Variants in FAM81A observed in about 807,000 individuals in gnomAD.
The protein encoded by FAM81A is family with sequence similarity 81 member A.
Under a neutral mutation model 46.7 loss-of-function variants are expected in FAM81A, and 19 were observed. The observed-to-expected ratio is 0.41, with a 90% CI of 0.28 to 0.60. The LOEUF (loss-of-function observed/expected upper bound fraction) is 0.60. Ranked by LOEUF, FAM81A falls within the 20% of genes least tolerant of loss-of-function variation. The probability of loss-of-function intolerance (pLI) is 0.34; values close to 1 mark genes in which losing one functional copy is unlikely to be tolerated. For synonymous variants in FAM81A, 183 were observed against 152.9 expected, an observed-to-expected ratio of 1.20 and a Z score of -1.45; for missense variants, 377 against 453.5, an observed-to-expected ratio of 0.83 and a Z score of 1.53.
chr15:59,449,592 T>C (rs867575574), intron 1 of FAM81A, among the ~76,000 whole-genome samples: 21 of 151,982 alleles, frequency 1.4e-4, no homozygotes, highest in Admixed American at 2.6e-4. Flanking sequence ...CCATCCTGGC[T>C]AACACAGTGA....
At chr15:59,505,564 T>C (rs1215484613) in intron 4 of FAM81A, among the ~76,000 whole-genome samples, 1 of 151,680 alleles carries the variant, frequency 6.6e-6, no homozygotes, top group Non-Finnish European at 1.5e-5. Context: ...TAGCCACCTA[T>C]AGCATGGAAG....
chr15:59,521,297 TCTCGAGGCCAAGATGAA>T lies in FAM81A; in HGVS notation c.1027_1043del (p.Leu343AlafsTer29). 6.2e-7 allele frequency: 1 copy of T among 1,613,768 alleles called. No individual in the cohort carries two copies. The highest frequency in any genetic ancestry group is 8.5e-7 in the Non-Finnish European group (1 of 1,179,802). On this transcript the variant is annotated frameshift_variant, in exon 9 of 9. Coordinates refer to ENST00000288228, the MANE Select transcript of FAM81A (RefSeq NM_152450.3). LOFTEE classifies it high-confidence loss of function. ...AAAGCATAGGATCCCTCAGGCAAGTTCTCGAGGCCAAGATGAAGCTGGACAGGGACCAGCTACAGAAG... is the reference window on the plus strand; with the variant it reads ...AAAGCATAGGATCCCTCAGGCAAGTTGCTGGACAGGGACCAGCTACAGAAG...
At chr15:59,468,588 T>C (rs1384257725) in intron 3 of FAM81A, among the ~76,000 whole-genome samples, 2 of 152,146 alleles carry the variant, frequency 1.3e-5, no homozygotes, top group African/African-American at 2.4e-5. Flanking sequence ...ATCTATTTGA[T>C]TCTTCTCTCT....
At chr15:59,470,287 C>T (rs1478225563) in intron 3 of FAM81A, among the ~76,000 whole-genome samples, 1 of 152,164 alleles carries the variant, frequency 6.6e-6, no homozygotes, top group African/African-American at 2.4e-5. Context: ...GGATGATATC[C>T]TGAAGAGTGT....
At position 59,521,538 on chromosome 15, in the gene FAM81A, T is replaced by TTTCAAGACTCAAG; in HGVS notation, c.*160_*161insTTCAAGACTCAAG. 1 of 680,628 alleles carries TTTCAAGACTCAAG rather than the reference T, an allele frequency of 1.5e-6. No individual in the cohort carries two copies. The allele number at this position is 680,628 out of a possible 1,614,324, so 42.2% of individuals were successfully genotyped here. A position where few individuals can be genotyped will look rare whatever the true frequency, so the allele number is the denominator to read the frequency against. ...GGGTCTAAATGTTTACCTTGAGTCT[T>TTTCAAGACTCAAG]GAAAATACTCTTTTGTTAAAAGTAT... is the stretch of plus-strand genomic sequence containing the variant. On this transcript the variant is annotated 3_prime_UTR_variant, in exon 9 of 9. Coordinates refer to ENST00000288228, the MANE Select transcript of FAM81A (RefSeq NM_152450.3).
intron 3 of FAM81A, among the ~76,000 whole-genome samples, chr15:59,481,249 C>T (rs540224575): frequency 1.3e-5 from 2 of 152,274 alleles, no homozygotes; most frequent in East Asian, 1.9e-4. Context: ...CCTCCTGCCT[C>T]GGTCTCCCAG....
intron 6 of FAM81A, among the ~76,000 whole-genome samples, chr15:59,512,402 G>T (rs1057422253): frequency 6.9e-6 from 1 of 145,456 alleles, no homozygotes; most frequent in Admixed American, 7.2e-5. Context: ...AACCTGAGAG[G>T]CAGAGGTTGC....
intron 2 of FAM81A, among the ~76,000 whole-genome samples, chr15:59,403,410 AAAGGCCACAC>A (rs1474610223): frequency 2.0e-5 from 3 of 152,248 alleles, no homozygotes; most frequent in Non-Finnish European, 4.4e-5. Flanking sequence ...TAGACAGAGA[AAAGGCCACAC>A]AAGGACACAG....
intron 3 of FAM81A, among the ~76,000 whole-genome samples, chr15:59,490,504 A>G (rs1417978116): frequency 1.3e-5 from 2 of 152,230 alleles, no homozygotes. Flanking sequence ...GGTGCTCAAC[A>G]TCATTGATCA....
intron 3 of FAM81A, among the ~76,000 whole-genome samples, chr15:59,479,841 TTAAA>T (rs1482165977): frequency 6.6e-6 from 1 of 152,184 alleles, no homozygotes; most frequent in Non-Finnish European, 1.5e-5. Context: ...GCCAAGGAAT[TTAAA>T]TAATCCACTC....
At chr15:59,519,095 C>T (rs1013940339) in intron 8 of FAM81A, among the ~76,000 whole-genome samples, 8 of 152,054 alleles carry the variant, frequency 5.3e-5, no homozygotes, top group Admixed American at 2.6e-4. Flanking sequence ...TCCATATCAG[C>T]AATTTGTATC....
chr15:59,421,889 A>G (rs1235526461), intron 2 of FAM81A, among the ~76,000 whole-genome samples: 1 of 133,248 alleles, frequency 7.5e-6, no homozygotes. Context: ...CTATCTATCT[A>G]TCTATCTATC....
intron 3 of FAM81A, among the ~76,000 whole-genome samples, chr15:59,471,595 G>A (rs1596500338): frequency 6.6e-6 from 1 of 151,802 alleles, no homozygotes; most frequent in South Asian, 2.1e-4. Flanking sequence ...CTAAGTAGCT[G>A]GGACTACAGA....
At chr15:59,421,781 A>G (rs1442358624) in intron 2 of FAM81A, among the ~76,000 whole-genome samples, 6 of 150,220 alleles carry the variant, frequency 4.0e-5, no homozygotes, top group African/African-American at 1.5e-4. Flanking sequence ...CTATCTATCT[A>G]TCTATCTATC....
At chr15:59,421,868 CCTCTATCTATCT>C (rs1567039211) in intron 2 of FAM81A, among the ~76,000 whole-genome samples, 3 of 115,496 alleles carry the variant, frequency 2.6e-5, no homozygotes, top group African/African-American at 1.0e-4. Context: ...AACCCTCAAC[CCTCTATCTATCT>C]ATCTATCTAT....
chr15:59,512,968 G>A (rs1237064800), intron 6 of FAM81A, among the ~76,000 whole-genome samples: 2 of 152,232 alleles, frequency 1.3e-5, no homozygotes, highest in Non-Finnish European at 2.9e-5. Flanking sequence ...GTTAACATTT[G>A]AGGGCTTCTT....
intron 3 of FAM81A, among the ~76,000 whole-genome samples, chr15:59,477,280 C>A (rs1481958514): frequency 6.6e-6 from 1 of 152,070 alleles, no homozygotes; most frequent in East Asian, 1.9e-4. Flanking sequence ...AGAATATCTT[C>A]TGTAAATTGC....
intron 3 of FAM81A, among the ~76,000 whole-genome samples, chr15:59,485,339 C>G (rs1285320354): frequency 3.9e-5 from 6 of 152,188 alleles, no homozygotes; most frequent in Admixed American, 1.3e-4. Context: ...TCAGGTCAGA[C>G]CCATCAGAGT....
intron 3 of FAM81A, among the ~76,000 whole-genome samples, chr15:59,477,993 A>G (rs1297901751): frequency 4.6e-5 from 7 of 152,206 alleles, no homozygotes; most frequent in Non-Finnish European, 5.9e-5. Flanking sequence ...TGAATTATAC[A>G]TGTCTGGGTT....
Sources: gnomAD v4.1 joint callset for allele counts (sites outside exome capture counted in the v4.1 genomes callset) on GRCh38, gnomAD v4.1.1 for gene constraint, MANE v1.5 for transcripts, NCBI Gene and HGNC (gene_info 2026-07-23, HGNC 2026-07-21) for gene names.